SMAD2: variants seen among roughly 807,000 people sequenced by gnomAD.
SMAD2 encodes the protein SMAD family member 2.
Under a neutral mutation model 64.4 loss-of-function variants are expected in SMAD2, and 8 were observed. The observed-to-expected ratio is 0.12, with a 90% CI of 0.07 to 0.22. The LOEUF (loss-of-function observed/expected upper bound fraction) is 0.22, where lower values mean the gene tolerates loss of function less well. Ranked by LOEUF, SMAD2 falls within the 10% of genes least tolerant of loss-of-function variation. The pLI is 1.00. For missense variants in SMAD2, 289 were observed against 561.2 expected (o/e 0.51, Z 4.90); for synonymous variants, 203 against 195.8 (o/e 1.04, Z -0.31).
intron 10 of SMAD2, chr18:47,845,090 C>CT: frequency 1.6e-6 from 1 of 608,980 alleles, no homozygotes; most frequent in South Asian, 2.0e-5. Flanking sequence ...ATATACACCC[C>CT]TTTTATGATA....
At chr18:47,889,782 A>G (rs1024286935) in intron 2 of SMAD2, among the ~76,000 whole-genome samples, 5 of 152,086 alleles carry the variant, frequency 3.3e-5, no homozygotes, top group African/African-American at 1.2e-4. Context: ...AAAAAAAAAA[A>G]AAGGACTGGA....
At chr18:47,850,196 GTATA>G (rs1186942065) in intron 7 of SMAD2, among the ~76,000 whole-genome samples, 8 of 75,136 alleles carry the variant, frequency 1.1e-4, no homozygotes, top group Non-Finnish European at 1.7e-4. Flanking sequence ...ATTATATATA[GTATA>G]TATATATTAT....
chr18:47,884,677 G>C (rs1236440388), intron 2 of SMAD2, among the ~76,000 whole-genome samples: 2 of 152,048 alleles, frequency 1.3e-5, no homozygotes, highest in Non-Finnish European at 2.9e-5. Context: ...AAGCAGCTTA[G>C]GTTTCCAAAT....
intron 2 of SMAD2, among the ~76,000 whole-genome samples, chr18:47,896,112 G>A (rs774128652): frequency 6.6e-6 from 1 of 152,154 alleles, no homozygotes; most frequent in Non-Finnish European, 1.5e-5. Context: ...ATGCTGCAAC[G>A]CAAAGAAAAA....
intron 6 of SMAD2, among the ~76,000 whole-genome samples, chr18:47,862,847 A>C (rs1171309973): frequency 6.6e-6 from 1 of 152,222 alleles, no homozygotes; most frequent in Non-Finnish European, 1.5e-5. Flanking sequence ...AAATATGTTC[A>C]TAAAAATCAT....
At position 47,910,143 on chromosome 18, in the gene SMAD2, G is replaced by A. The variant is rs531863373; in HGVS notation, c.-53-13334C>T. ...CACAGCATTTACACCAGAGCCTATC[G>A]AGGAAATCATAAGAGATTGTGGATA... On this transcript the variant is annotated intron_variant, in intron 1 of 10. Coordinates refer to ENST00000262160, the MANE Select transcript of SMAD2 (RefSeq NM_005901.6). Among the ~76,000 whole-genome samples, 6 of 149,480 alleles carry A rather than the reference G, an allele frequency of 4.0e-5. No individual in the cohort carries two copies. In the East Asian group the frequency reaches 5.9e-4, roughly 15 times the overall value.
In SMAD2 at chr18:47,830,137, CGTT is replaced by C. The variant is rs752351129; in HGVS notation, c.*11687_*11689del. 2 of 152,208 alleles carry C rather than the reference CGTT, an allele frequency of 1.3e-5. No individual in the cohort carries two copies. The highest frequency in any genetic ancestry group is 4.8e-5 in the African/African-American group (2 of 41,518). 9.4% of individuals were successfully genotyped at this position (152,208 alleles called of 1,614,324 possible). ...TACATTTTTAAATGTGGTGATAACACGTTATTATTCATGATTTAAAAGTTGAAA... is the reference window on the plus strand; with the variant it reads ...TACATTTTTAAATGTGGTGATAACACATTATTCATGATTTAAAAGTTGAAA... On this transcript the variant is annotated 3_prime_UTR_variant, in exon 11 of 11. Transcript: ENST00000262160.
chr18:47,884,341 T>C (rs1175731827), intron 2 of SMAD2, among the ~76,000 whole-genome samples: 1 of 152,176 alleles, frequency 6.6e-6, no homozygotes, highest in East Asian at 1.9e-4. Context: ...AATCAGGCAC[T>C]GTTGTCCCCA....
chr18:47,854,517 T>C (rs1238095771), intron 6 of SMAD2, among the ~76,000 whole-genome samples: 10 of 152,226 alleles, frequency 6.6e-5, no homozygotes, highest in Non-Finnish European at 1.0e-4. Context: ...GTTTTTGTTG[T>C]AAACAGTGTA....
Position 47,846,211 on chromosome 18 carries a change from C to T in SMAD2, c.998-411G>A, listed in dbSNP as rs184312132. ...AATGTTAAGAAAAAAGATGTAAAAA[C>T]ATCAAAAAGTCATTTGCCATTTTAA... On this transcript the variant is annotated intron_variant, in intron 8 of 10. Coordinates refer to ENST00000262160, the MANE Select transcript of SMAD2 (RefSeq NM_005901.6). 9.2e-5 allele frequency among the ~76,000 whole-genome samples: 14 copies of T among 152,132 alleles called. No homozygotes were observed. In the East Asian group the frequency reaches 2.3e-3, roughly 25 times the overall value.
intron 1 of SMAD2, among the ~76,000 whole-genome samples, chr18:47,912,939 TGAG>T (rs2034197318): frequency 6.6e-6 from 1 of 151,726 alleles, no homozygotes; most frequent in South Asian, 2.1e-4. Context: ...TTTTTTTTTT[TGAG>T]GAGTTTCACT....
At chr18:47,911,230 A>C (rs1026408256) in intron 1 of SMAD2, among the ~76,000 whole-genome samples, 8 of 152,070 alleles carry the variant, frequency 5.3e-5, no homozygotes, top group Non-Finnish European at 8.8e-5. Flanking sequence ...GAGTGCCTGT[A>C]GTCCCAACTA....
intron 1 of SMAD2, among the ~76,000 whole-genome samples, chr18:47,913,190 G>A (rs1438622171): frequency 1.3e-5 from 2 of 152,182 alleles, no homozygotes; most frequent in Non-Finnish European, 2.9e-5. Context: ...CAAAGCACAG[G>A]GATTACAGGC....
chr18:47,818,829 T>C lies in SMAD2; in HGVS notation c.*22998A>G, dbSNP rs1268120153. ...CTTTTGGTTCACAGCTTTCATAAGA[T>C]TACCTATTCTGCATGTTTACCCAGC... is the stretch of plus-strand genomic sequence containing the variant. On this transcript the variant is annotated 3_prime_UTR_variant, in exon 11 of 11. Transcript: ENST00000262160. The C allele has an allele frequency of 6.6e-6, 1 of 152,244 alleles. No homozygotes were observed. Among genetic ancestry groups the C allele is most frequent in the African/African-American group, 2.4e-5 (1 of 41,470 alleles). 9.4% of individuals were successfully genotyped at this position (152,244 alleles called of 1,614,324 possible).
chr18:47,869,673 T>A (rs967310807), intron 3 of SMAD2, among the ~76,000 whole-genome samples: 2 of 152,116 alleles, frequency 1.3e-5, no homozygotes, highest in African/African-American at 4.8e-5. Context: ...CAAATGCCAA[T>A]GAAAGGCTAA....
rs1912393190 is a variant in SMAD2, at chr18:47,816,941, T to A, written c.*24886A>T. 6.6e-6 allele frequency: 1 copy of A among 152,100 alleles called. No homozygotes were observed. The highest frequency in any genetic ancestry group is 2.4e-5 in the African/African-American group (1 of 41,412). The allele number at this position is 152,100 out of a possible 1,614,324, so 9.4% of individuals were successfully genotyped here. ...TACACCCATCTAATTTTTTGTATTT[T>A]TAGTAGAGAGGGGGTTTCACTATGT... On this transcript the variant is annotated 3_prime_UTR_variant, in exon 11 of 11. Coordinates refer to ENST00000262160, the MANE Select transcript of SMAD2 (RefSeq NM_005901.6).
At chr18:47,903,342 A>G (rs2033765148) in intron 1 of SMAD2, among the ~76,000 whole-genome samples, 2 of 149,978 alleles carry the variant, frequency 1.3e-5, no homozygotes, top group South Asian at 4.5e-4. Flanking sequence ...TGGGCACAAA[A>G]GCTTGGAGGC....
chr18:47,910,458 TG>T (rs2034083875), intron 1 of SMAD2, among the ~76,000 whole-genome samples: 1 of 152,206 alleles, frequency 6.6e-6, no homozygotes, highest in Non-Finnish European at 1.5e-5. Flanking sequence ...ACATGGGCAC[TG>T]AAACTAAAGC....
chr18:47,922,716 C>A (rs1450200576), intron 1 of SMAD2: 1 of 152,082 alleles, frequency 6.6e-6, no homozygotes, highest in Non-Finnish European at 1.5e-5. Flanking sequence ...CTGTTTTAGT[C>A]AAATAAATAA....
Sources: allele counts gnomAD v4.1 joint callset (sites outside exome capture counted in the v4.1 genomes callset), GRCh38; gene constraint gnomAD v4.1.1; transcripts MANE v1.5; gene names NCBI Gene and HGNC (gene_info 2026-07-23, HGNC 2026-07-21).